PLEC: variants seen among roughly 807,000 people sequenced by gnomAD.
PLEC encodes the protein plectin, also known as hemidesmosomal protein 1.
A neutral mutation model predicts 392.8 loss-of-function variants in PLEC; 216 were observed. The observed-to-expected ratio is 0.55, with a 90% CI of 0.49 to 0.62. PLEC has a LOEUF of 0.62. PLEC is among the 20% of genes least tolerant of loss of function. The pLI is 0.00. For missense variants in PLEC, 6,863 were observed against 6,563.4 expected, an observed-to-expected ratio of 1.05 and a Z score of -1.58; for synonymous variants, 3,621 against 2,980.6, an observed-to-expected ratio of 1.21 and a Z score of -7.00.
chr8:143,964,886 A>G (rs1460931694), intron 1 of PLEC, among the ~76,000 whole-genome samples: 4 of 152,156 alleles, frequency 2.6e-5, no homozygotes, highest in Non-Finnish European at 5.9e-5. Context: ...AACAGAGCAG[A>G]ATAAAAATCA....
chr8:143,920,006 C>T lies in PLEC; in HGVS notation c.9815G>A (p.Arg3272His), dbSNP rs571590501. The T allele has an allele frequency of 1.1e-4, 174 of 1,613,252 alleles. No homozygotes were observed. In the South Asian group the frequency reaches 1.1e-3, roughly 10 times the overall value. Residue 3272 changes from arginine to histidine, a missense_variant, in exon 32 of 32, where the codon CGT becomes CAT. Coordinates refer to ENST00000345136, the MANE Select transcript of PLEC (RefSeq NM_201384.3). ...GGTGACCTTGCCCGTGCGGAACTGA[C>T]GCAACAGCTCCTGCCGCTGCTCCGC... ...FTAEQRQELL[R>H]QFRTGKVTVE...
At chr8:143,926,526 G>T (rs1405073178) in intron 30 of PLEC, among the ~76,000 whole-genome samples, 1 of 152,216 alleles carries the variant, frequency 6.6e-6, no homozygotes, top group East Asian at 1.9e-4. Flanking sequence ...CTAGGCTGCA[G>T]GGGGGACGCT....
chr8:143,937,489 C>G (rs369779758), intron 3 of PLEC, among the ~76,000 whole-genome samples: 2 of 152,138 alleles, frequency 1.3e-5, no homozygotes, highest in Non-Finnish European at 2.9e-5. Flanking sequence ...TGGGAGGAGA[C>G]AATAGCCAGG....
At chr8:143,950,998 A>C, upstream of PLEC, 1 of 517,430 alleles carries the variant, frequency 1.9e-6, no homozygotes, top group Non-Finnish European at 3.3e-6. Context: ...GGCCCCTCCC[A>C]CCCACAGCCG....
chr8:143,971,577 C>T (rs1189816067), intron 1 of PLEC, among the ~76,000 whole-genome samples: 2 of 152,166 alleles, frequency 1.3e-5, no homozygotes, highest in African/African-American at 2.4e-5. Flanking sequence ...TGCAGGCCCT[C>T]CTCAGCCTTG....
rs567107425 is a variant in PLEC, at chr8:143,922,481, G to A, written c.7425+23C>T. On this transcript the variant is annotated intron_variant, in intron 31 of 31. Transcript: ENST00000345136. ...AGCAGATCCCCGGGCCCACCCGCCCGTCGCACGTAGAGGGGGCGGTACCTC... is the reference window on the plus strand; with the variant it reads ...AGCAGATCCCCGGGCCCACCCGCCCATCGCACGTAGAGGGGGCGGTACCTC... The A allele has an allele frequency of 3.7e-5, 59 of 1,604,012 alleles. No individual in the cohort carries two copies. The African/African-American group carries it at 3.7e-4, about 10-fold the overall frequency.
chr8:143,958,685 C>T (rs1444417614), upstream of PLEC: 15 of 454,432 alleles, frequency 3.3e-5, no homozygotes, highest in Admixed American at 1.4e-4. The surrounding 1 kb of genome is among the most constrained non-coding windows in gnomAD (Gnocchi z 4.9). Flanking sequence ...GCCCTCCTCA[C>T]GCAGGCACCT....
rs782185534 is a variant in PLEC, at chr8:143,917,544, G to A, written c.12277C>T (p.Pro4093Ser). The change falls in exon 32 of 32, where the codon CCT becomes TCT. Residue 4093 changes from proline (P) to serine (S), a missense_variant. By Grantham distance (74) the Pro-to-Ser change is moderately conservative. Transcript: ENST00000345136. ...PSDDTKGFFD[P>S]NTEENLTYLQ... ...TAGGTGAGGTTCTCCTCCGTGTTAG[G>A]GTCAAAGAAGCCCTTGGTGTCGTCC... The A allele has an allele frequency of 2.5e-6, 4 of 1,613,952 alleles. No individual in the cohort carries two copies. Among genetic ancestry groups the A allele is most frequent in the Non-Finnish European group, 3.4e-6 (4 of 1,180,028 alleles).
intron 1 of PLEC, among the ~76,000 whole-genome samples, chr8:143,968,529 CAA>C (rs57468544): frequency 2.0e-4 from 13 of 63,708 alleles, no homozygotes; most frequent in South Asian, 6.3e-4. Context: ...AACTCCATCT[CAA>C]AAAAAAAAAA....
chr8:143,926,426 C>G (rs1411032504), intron 30 of PLEC, among the ~76,000 whole-genome samples: 4 of 152,190 alleles, frequency 2.6e-5, no homozygotes, highest in African/African-American at 9.7e-5. Flanking sequence ...CCTCCCTAGC[C>G]CCACAACTCA....
Position 143,922,923 on chromosome 8 carries a change from T to G in PLEC, c.7006A>C (p.Lys2336Gln), listed in dbSNP as rs370272717. 45 of 1,601,966 alleles carry G rather than the reference T, an allele frequency of 2.8e-5. No individual in the cohort carries two copies. The highest frequency in any genetic ancestry group is 3.8e-5 in the Non-Finnish European group (45 of 1,174,794). ...CGCGCCTGCTCCTGCGCAAGCTCCTTCTGCTGCTGCAGCAGTTCCGCCTCA... is the reference window on the plus strand; with the variant it reads ...CGCGCCTGCTCCTGCGCAAGCTCCTGCTGCTGCTGCAGCAGTTCCGCCTCA... ...KAEAELLQQQ[K>Q]ELAQEQARRL... Residue 2336 changes from lysine (K) to glutamine (Q), a missense_variant, in exon 31 of 32, where the codon AAG (lysine) becomes CAG (glutamine). Transcript: ENST00000345136.
At chr8:143,953,088 C>G (rs930712764), upstream of PLEC, among the ~76,000 whole-genome samples, 5 of 150,974 alleles carry the variant, frequency 3.3e-5, no homozygotes, top group Non-Finnish European at 3.0e-5. Flanking sequence ...CCAAGACCCC[C>G]GGGCGGAAGC....
rs374036967 is a variant in PLEC, at chr8:143,932,896, C to G, written c.1634G>C (p.Gly545Ala). The change falls in exon 14 of 32, where the codon GGT becomes GCT. Residue 545 changes from glycine to alanine, a missense_variant. Physicochemically the swap from Gly to Ala is moderately conservative, Grantham distance 60 (BLOSUM62 0). Coordinates refer to ENST00000345136, the MANE Select transcript of PLEC (RefSeq NM_201384.3). ...CGCCTCCACGCTGGGCAGGTCCACACCCCACTCAGCGCCATCCACACGGTG... is the reference window on the plus strand; with the variant it reads ...CGCCTCCACGCTGGGCAGGTCCACAGCCCACTCAGCGCCATCCACACGGTG... ...NQHRVDGAEW[G>A]VDLPSVEAQL... 1.3e-5 allele frequency: 21 copies of G among 1,612,454 alleles called. No individual in the cohort carries two copies. The African/African-American group carries it at 1.7e-4, about 13-fold the overall frequency.
intron 1 of PLEC, among the ~76,000 whole-genome samples, chr8:143,947,333 C>T (rs1831613701): frequency 6.6e-6 from 1 of 152,224 alleles, no homozygotes; most frequent in South Asian, 2.1e-4. Context: ...GTGTACAGCG[C>T]TCACCGTGGT....
Position 143,923,310 on chromosome 8 carries a change from CGTCCAGCAGGTTCTT to C in PLEC, c.6604_6618del (p.Lys2202_Asp2206del), listed in dbSNP as rs1564018994. On this transcript the variant is annotated inframe_deletion, in exon 31 of 32. Coordinates refer to ENST00000345136, the MANE Select transcript of PLEC (RefSeq NM_201384.3). ...TCCGCCTTCAGCCGCTGCAGCTCCTCGTCCAGCAGGTTCTTCTGGTGGTCGGTCTCCTCCAGCTGC... is the reference window on the plus strand; with the variant it reads ...TCCGCCTTCAGCCGCTGCAGCTCCTCCTGGTGGTCGGTCTCCTCCAGCTGC... The C allele has an allele frequency of 6.2e-7, 1 of 1,609,578 alleles. No homozygotes were observed. The highest frequency in any genetic ancestry group is 1.7e-5 in the Admixed American group (1 of 59,910).
chr8:143,930,247 A>T lies in PLEC; in HGVS notation c.2509T>A (p.Ser837Thr), dbSNP rs1554713353. 2.5e-6 allele frequency: 4 copies of T among 1,598,534 alleles called. No individual in the cohort carries two copies. Among genetic ancestry groups the T allele is most frequent in the Non-Finnish European group, 2.5e-6 (3 of 1,177,352 alleles). The change falls in exon 21 of 32, where the codon TCC becomes ACC. Residue 837 changes from serine to threonine, a missense_variant. Coordinates refer to ENST00000345136, the MANE Select transcript of PLEC (RefSeq NM_201384.3). ...GAGCTGCTGAGCACCTTCCAGTGGG[A>T]CGGCTGTGCAGGGCCCACCAGCTGG... Reference protein sequence around the residue: ...ECQLVGPAQPSHWKVLSSSGS... With the variant: ...ECQLVGPAQPTHWKVLSSSGS...
chr8:143,950,921 G>C (rs545226532), upstream of PLEC: 2 of 987,060 alleles, frequency 2.0e-6, no homozygotes, highest in African/African-American at 3.5e-5. Context: ...AATCCCTGCC[G>C]GCACTGCCGG....
At position 143,931,939 on chromosome 8, in the gene PLEC, G is replaced by T. The variant is rs1554715910; in HGVS notation, c.2176C>A (p.Gln726Lys). Residue 726 changes from glutamine to lysine, a missense_variant and splice_region_variant, in exon 18 of 32, where the codon CAG becomes AAG. Transcript: ENST00000345136. Reference protein sequence around the residue: ...AHLKENAAYFQFFSDVREAEG... With the variant: ...AHLKENAAYFKFFSDVREAEG... ...GCGGAGGGGGCTCCGGTTCTCACCT[G>T]AAAGTAGGCAGCGTTCTCCTTCAGG... 6.2e-7 allele frequency: 1 copy of T among 1,605,250 alleles called. No homozygotes were observed. The highest frequency in any genetic ancestry group is 8.5e-7 in the Non-Finnish European group (1 of 1,177,012).
Position 143,929,944 on chromosome 8 carries a change from G to T in PLEC, c.2731C>A (p.Leu911Met). The change falls in exon 22 of 32, where the codon CTG becomes ATG. Residue 911 changes from leucine (L) to methionine (M), a missense_variant. Physicochemically the swap from Leu to Met is conservative, Grantham distance 15 (BLOSUM62 2). Transcript: ENST00000345136. ...CTCGGGGGCAGGCGTACCGTGGCCAGGGACCAGGAGCGGATGAGCTGCACG... is the reference window on the plus strand; with the variant it reads ...CTCGGGGGCAGGCGTACCGTGGCCATGGACCAGGAGCGGATGAGCTGCACG... ...RDVQLIRSWS[L>M]ATFRTLKPEE... The T allele has an allele frequency of 6.2e-7, 1 of 1,610,382 alleles. No homozygotes were observed.
Sources: gnomAD v4.1 joint callset for allele counts (sites outside exome capture counted in the v4.1 genomes callset) on GRCh38, gnomAD v4.1.1 for gene constraint, Gnocchi (gnomAD v3.1) non-coding constraint, MANE v1.5 for transcripts, NCBI Gene and HGNC (gene_info 2026-07-23, HGNC 2026-07-21) for gene names.